The following LRP1B variants were observed in gnomAD, a reference collection of about 807,000 sequenced individuals.
LRP1B encodes low-density lipoprotein receptor-related protein 1B.
Under a neutral mutation model 556.6 loss-of-function variants are expected in LRP1B, and 217 were observed. That is an observed-to-expected ratio of 0.39 (90% CI 0.35 to 0.44). The LOEUF is 0.44. Ranked by LOEUF, LRP1B falls within the 20% of genes least tolerant of loss-of-function variation. The pLI, the probability that LRP1B is intolerant of heterozygous loss-of-function variation, is 1.00. For missense variants in LRP1B, 5,053 were observed against 5,620.8 expected (o/e 0.90, Z 3.23); for synonymous variants, 2,047 against 1,865.8 (o/e 1.10, Z -2.50).
At chr2:141,573,966 C>CA (rs1270413890) in intron 2 of LRP1B, among the ~76,000 whole-genome samples, 14 of 151,700 alleles carry the variant, frequency 9.2e-5, no homozygotes, top group East Asian at 1.9e-4. Flanking sequence ...AGGCTACCAA[C>CA]AAAAAAAACC....
chr2:140,482,907 T>C (rs749211075), intron 59 of LRP1B, among the ~76,000 whole-genome samples: 2 of 152,160 alleles, frequency 1.3e-5, no homozygotes, highest in Non-Finnish European at 2.9e-5. Flanking sequence ...CAATCTGATA[T>C]AGGAAGGTTC....
chr2:141,818,423 G>T (rs1458833130), intron 1 of LRP1B, among the ~76,000 whole-genome samples: 1 of 151,418 alleles, frequency 6.6e-6, no homozygotes, highest in Non-Finnish European at 1.5e-5. Context: ...CATGGTTAGA[G>T]GTCTTCTTTC....
chr2:140,775,467 A>ATTTTTTT (rs61535948), intron 33 of LRP1B, among the ~76,000 whole-genome samples: 2 of 111,192 alleles, frequency 1.8e-5, no homozygotes, highest in Admixed American at 1.1e-4. Flanking sequence ...TTTTTGGTTG[A>ATTTTTTT]TTTTTTTTTT....
chr2:141,512,532 C>T (rs1343902133), intron 2 of LRP1B, among the ~76,000 whole-genome samples: 1 of 152,158 alleles, frequency 6.6e-6, no homozygotes, highest in Non-Finnish European at 1.5e-5. Context: ...AATGGCAGAG[C>T]TCCCTCCAGC....
chr2:141,224,125 A>G (rs1402130143), intron 6 of LRP1B, among the ~76,000 whole-genome samples: 1 of 146,692 alleles, frequency 6.8e-6, no homozygotes, highest in Non-Finnish European at 1.5e-5. Context: ...AATTTTTGCA[A>G]TCTACAAGGA....
chr2:140,263,970 G>A (rs1016985415), intron 86 of LRP1B, among the ~76,000 whole-genome samples: 2 of 151,968 alleles, frequency 1.3e-5, no homozygotes, highest in South Asian at 2.1e-4. Flanking sequence ...ACAACAAATG[G>A]GTGGCTTACA....
At chr2:141,254,691 T>C (rs762134731) in intron 3 of LRP1B, 50 bp from the exon 4 acceptor site, 76 of 1,406,826 alleles carry the variant, frequency 5.4e-5, no homozygotes, top group Non-Finnish European at 7.2e-5. Flanking sequence ...TATATGTAAA[T>C]AGTTTGTATT....
chr2:141,895,927 C>T (rs1266803125), intron 1 of LRP1B, among the ~76,000 whole-genome samples: 3 of 151,260 alleles, frequency 2.0e-5, no homozygotes, highest in Admixed American at 6.6e-5. Flanking sequence ...TAAGGATGGC[C>T]GGGACAGCCA....
chr2:140,785,775 T>C (rs1008999763), intron 32 of LRP1B, among the ~76,000 whole-genome samples: 3 of 152,046 alleles, frequency 2.0e-5, no homozygotes, highest in Non-Finnish European at 2.9e-5. Flanking sequence ...CAAAATAAAA[T>C]TTAATTTATT....
intron 1 of LRP1B, among the ~76,000 whole-genome samples, chr2:142,075,820 A>G (rs959878371): frequency 6.6e-6 from 1 of 152,154 alleles, no homozygotes; most frequent in African/African-American, 2.4e-5. Context: ...AGGGCAAAGC[A>G]GAAAACAGCT....
At chr2:141,453,613 C>T (rs1681506823) in intron 3 of LRP1B, among the ~76,000 whole-genome samples, 1 of 152,036 alleles carries the variant, frequency 6.6e-6, no homozygotes, top group African/African-American at 2.4e-5. Flanking sequence ...TTTTGAAATG[C>T]ATATATTGAA....
intron 2 of LRP1B, among the ~76,000 whole-genome samples, chr2:141,570,670 G>T (rs1686493479): frequency 6.6e-6 from 1 of 151,274 alleles, no homozygotes; most frequent in Non-Finnish European, 1.5e-5. Context: ...GTTGGGGGAA[G>T]GGCGGCATCC....
chr2:140,307,494 C>A (rs1684117801), intron 83 of LRP1B, among the ~76,000 whole-genome samples: 1 of 151,598 alleles, frequency 6.6e-6, no homozygotes, highest in African/African-American at 2.4e-5. Flanking sequence ...TGATTTTATA[C>A]TTTTGGACAT....
intron 1 of LRP1B, among the ~76,000 whole-genome samples, chr2:141,816,405 C>A (rs186380612): frequency 6.6e-6 from 1 of 152,280 alleles, no homozygotes; most frequent in Admixed American, 6.5e-5. Context: ...AGTCTTCTGG[C>A]CTGCATCTTT....
chr2:140,688,439 G>T (rs2105393094), intron 41 of LRP1B, among the ~76,000 whole-genome samples: 1 of 150,084 alleles, frequency 6.7e-6, no homozygotes, highest in African/African-American at 2.4e-5. Context: ...TCTACTATTG[G>T]TTTTCAAGGA....
intron 1 of LRP1B, among the ~76,000 whole-genome samples, chr2:142,077,211 T>C (rs1258878430): frequency 6.6e-6 from 1 of 152,098 alleles, no homozygotes; most frequent in Non-Finnish European, 1.5e-5. Flanking sequence ...CGGGAGGGAT[T>C]ATTTGAAATT....
chr2:141,300,140 C>G (rs1686334137), intron 3 of LRP1B, among the ~76,000 whole-genome samples: 1 of 152,126 alleles, frequency 6.6e-6, no homozygotes, highest in Non-Finnish European at 1.5e-5. Context: ...TCCAATTATG[C>G]TAGCACTCTG....
chr2:140,514,936 G>A (rs182693290), intron 50 of LRP1B, among the ~76,000 whole-genome samples, 164 bp from the exon 51 acceptor site: 1 of 152,022 alleles, frequency 6.6e-6, no homozygotes, highest in East Asian at 1.9e-4. Flanking sequence ...TTTGGCATCA[G>A]CTTGCATATT....
At chr2:140,450,487 T>G (rs1170818672) in intron 63 of LRP1B, 81 bp downstream of exon 63, 3 of 1,034,878 alleles carry the variant, frequency 2.9e-6, no homozygotes. Flanking sequence ...AAGGCAATAC[T>G]TTAGGTGTAG....
Sources: allele counts gnomAD v4.1 joint callset (sites outside exome capture counted in the v4.1 genomes callset), GRCh38; gene constraint gnomAD v4.1.1; transcripts MANE v1.5; gene names NCBI Gene and HGNC (gene_info 2026-07-23, HGNC 2026-07-21).